The following ANKRD11 variants were observed in gnomAD, a reference collection of about 807,000 sequenced individuals.
ANKRD11 encodes the protein ankyrin repeat domain-containing protein 11.
In ANKRD11, 17 loss-of-function variants were observed where a neutral mutation model predicts 195.7. That is an observed-to-expected ratio of 0.09 (90% CI 0.06 to 0.13). The LOEUF (loss-of-function observed/expected upper bound fraction) is 0.13, where lower values mean the gene tolerates loss of function less well. Among genes scored for constraint, ANKRD11 ranks in the 10% least tolerant of loss-of-function variants. The pLI, the probability that ANKRD11 is intolerant of heterozygous loss-of-function variation, is 1.00. For synonymous variants in ANKRD11, 1,953 were observed against 1,528.1 expected (o/e 1.28, Z -6.49); for missense variants, 3,735 against 3,566.1 (o/e 1.05, Z -1.21).
At chr16:89,394,263 G>C (rs993586115) in intron 2 of ANKRD11, among the ~76,000 whole-genome samples, 1 of 152,214 alleles carries the variant, frequency 6.6e-6, no homozygotes, top group African/African-American at 2.4e-5. Context: ...CCATGTCCCT[G>C]GAAAGCAGCC....
chr16:89,433,686 C>T (rs986349451), intron 1 of ANKRD11, among the ~76,000 whole-genome samples: 2 of 148,732 alleles, frequency 1.3e-5, no homozygotes, highest in African/African-American at 5.0e-5. Context: ...CGGGCTTGGA[C>T]GCAGCAGGGC....
At chr16:89,414,870 C>T (rs1165738131) in intron 2 of ANKRD11, among the ~76,000 whole-genome samples, 1 of 152,218 alleles carries the variant, frequency 6.6e-6, no homozygotes, top group Non-Finnish European at 1.5e-5. Context: ...GCTCACATTC[C>T]ACCCCAAGGA....
chr16:89,340,438 C>T (rs183569764), intron 2 of ANKRD11, among the ~76,000 whole-genome samples: 42 of 152,284 alleles, frequency 2.8e-4, no homozygotes, highest in Non-Finnish European at 5.0e-4. Flanking sequence ...CCATGCCTGG[C>T]TAGTTTTTGT....
chr16:89,364,427 C>G (rs2039862835), intron 2 of ANKRD11, among the ~76,000 whole-genome samples: 2 of 152,338 alleles, frequency 1.3e-5, no homozygotes, highest in Admixed American at 1.3e-4. Context: ...ACGGTAAGAA[C>G]AAGCTGAAAT....
intron 4 of ANKRD11, among the ~76,000 whole-genome samples, chr16:89,302,309 A>G (rs1014703503): frequency 7.9e-5 from 12 of 152,124 alleles, no homozygotes; most frequent in African/African-American, 2.7e-4. Flanking sequence ...CTGGAGTGCA[A>G]TGGCGCAATC....
At chr16:89,299,320 T>G (rs1274149908) in intron 4 of ANKRD11, 1 of 236,996 alleles carries the variant, frequency 4.2e-6, no homozygotes, top group Non-Finnish European at 8.5e-6. Flanking sequence ...GTGCCCTGCG[T>G]GGGATCCCTG....
intron 2 of ANKRD11, among the ~76,000 whole-genome samples, chr16:89,379,523 T>G (rs1260235366): frequency 6.6e-6 from 1 of 152,212 alleles, no homozygotes; most frequent in Non-Finnish European, 1.5e-5. Context: ...AGTCTTGCTC[T>G]GTCGCCCAGA....
At chr16:89,295,931 G>A (rs548390460) in intron 4 of ANKRD11, among the ~76,000 whole-genome samples, 161 of 132,618 alleles carry the variant, frequency 1.2e-3, no homozygotes, top group African/African-American at 3.4e-3. Context: ...GATTGGGGGG[G>A]GCTGTGAACC....
At chr16:89,308,963 C>T (rs1028187315) in intron 3 of ANKRD11, among the ~76,000 whole-genome samples, 2 of 152,218 alleles carry the variant, frequency 1.3e-5, no homozygotes, top group Non-Finnish European at 2.9e-5. Flanking sequence ...AAGGTGGGAA[C>T]ATCTGTACCC....
intron 3 of ANKRD11, chr16:89,313,188 G>A: frequency 1.0e-6 from 1 of 958,658 alleles, no homozygotes; most frequent in Non-Finnish European, 1.4e-6. Context: ...AGCTCAGGGG[G>A]CTGTGAGGCT....
At position 89,286,603 on chromosome 16, in the gene ANKRD11, G is replaced by A. The variant is rs569718711; in HGVS notation, c.745-417C>T. Reference sequence around the variant, plus strand: ...CGTGGAGGGCTCAGGCAAGAGGTTAGGGAGAAGAGTGTTATGGAAAGGGTT... The same window carrying A: ...CGTGGAGGGCTCAGGCAAGAGGTTAAGGAGAAGAGTGTTATGGAAAGGGTT... On this transcript the variant is annotated intron_variant, in intron 7 of 12. Transcript: ENST00000301030. The A allele has an allele frequency of 1.7e-5, 19 of 1,142,298 alleles. No individual in the cohort carries two copies. The South Asian group carries it at 2.9e-4, about 17-fold the overall frequency. 70.8% of individuals were successfully genotyped at this position (1,142,298 alleles called of 1,614,324 possible). A position where few individuals can be genotyped will look rare whatever the true frequency, so the allele number is the denominator to read the frequency against.
rs879541277 is a variant in ANKRD11, at chr16:89,468,706, CA to C, written c.-145+21538del. ...TGGGCAACAGAGTAAGACGCTATCT[CA>C]AAAAAAAAGAAGGACGAAGCAAAAG... On this transcript the variant is annotated intron_variant, in intron 1 of 12. Transcript: ENST00000301030. Among the ~76,000 whole-genome samples the C allele has an allele frequency of 2.7e-5, 4 of 150,578 alleles. No individual in the cohort carries two copies. In the South Asian group the frequency reaches 6.3e-4, roughly 24 times the overall value.
Position 89,463,079 on chromosome 16 carries a change from G to A in ANKRD11, c.-145+27166C>T, listed in dbSNP as rs551357396. 5.0e-3 allele frequency among the ~76,000 whole-genome samples: 739 copies of A among 148,234 alleles called. 28 individuals are homozygous for A. Among genetic ancestry groups the A allele is most frequent in the Admixed American group, 0.044 (654 of 14,920 alleles). On this transcript the variant is annotated intron_variant, in intron 1 of 12. Transcript: ENST00000301030. ...GGTCAGCCCCCCCGCCCGGCCAGCC[G>A]CCCCGCCCGGGAGGTGAGGGGCGCC...
intron 2 of ANKRD11, among the ~76,000 whole-genome samples, chr16:89,345,630 A>G (rs1437004371): frequency 6.6e-6 from 1 of 152,360 alleles, no homozygotes. Context: ...GAAAAAAGTA[A>G]ATGGACTAAG....
At position 89,314,610 on chromosome 16, in the gene ANKRD11, G is replaced by A. The variant is rs145204723; in HGVS notation, c.87+2323C>T. On this transcript the variant is annotated intron_variant, in intron 3 of 12. Coordinates refer to ENST00000301030, the MANE Select transcript of ANKRD11 (RefSeq NM_013275.6). Reference sequence around the variant, plus strand: ...GTCCACTGACACAGGGCTCCACCACGCCCAGCCTGCTGGTGTGTCAAGCGG... The same window carrying A: ...GTCCACTGACACAGGGCTCCACCACACCCAGCCTGCTGGTGTGTCAAGCGG... Among the ~76,000 whole-genome samples, 127 of 152,160 alleles carry A rather than the reference G, an allele frequency of 8.3e-4. 1 individual carries two copies. In the East Asian group the frequency reaches 0.019, roughly 23 times the overall value.
chr16:89,285,409 T>C lies in ANKRD11; in HGVS notation c.1133A>G (p.Asn378Ser), dbSNP rs202203523. ...KKDYRKETKSNSFISIPKMEV... is the reference protein window; with the variant it reads ...KKDYRKETKSSSFISIPKMEV... ...CATTTTGGGTATAGAGATAAAACTA[T>C]TGGATTTCGTTTCTTTTCTGTAGTC... The change falls in exon 9 of 13, where the codon AAT becomes AGT. Residue 378 changes from asparagine to serine, a missense_variant. Asn to Ser is a conservative substitution (Grantham distance 46). Coordinates refer to ENST00000301030, the MANE Select transcript of ANKRD11 (RefSeq NM_013275.6). This position sits in a 1 kb window ranked among gnomAD's most constrained non-coding sequence, Gnocchi z 5.6. 4.0e-4 allele frequency: 639 copies of C among 1,614,182 alleles called. No individual in the cohort carries two copies. The highest frequency in any genetic ancestry group is 4.8e-4 in the Non-Finnish European group (563 of 1,180,030).
intron 1 of ANKRD11, among the ~76,000 whole-genome samples, chr16:89,433,351 C>T (rs920465095): frequency 1.3e-5 from 2 of 152,192 alleles, no homozygotes; most frequent in Admixed American, 6.5e-5. Context: ...AGAAAGTGTC[C>T]GTTGTCTCCT....
chr16:89,269,011 A>G (rs2032890205), intron 12 of ANKRD11, among the ~76,000 whole-genome samples: 1 of 152,224 alleles, frequency 6.6e-6, no homozygotes, highest in African/African-American at 2.4e-5. Context: ...TCATTTTACA[A>G]TTACTTACGG....
At chr16:89,474,285 AAAT>A (rs2057182980) in intron 1 of ANKRD11, among the ~76,000 whole-genome samples, 1 of 152,042 alleles carries the variant, frequency 6.6e-6, no homozygotes, top group Non-Finnish European at 1.5e-5. Context: ...GTGAGATAAT[AAAT>A]GTGTTGTGTG....
Sources: gnomAD v4.1 joint callset for allele counts (sites outside exome capture counted in the v4.1 genomes callset) on GRCh38, gnomAD v4.1.1 for gene constraint, Gnocchi (gnomAD v3.1) non-coding constraint, MANE v1.5 for transcripts, NCBI Gene and HGNC (gene_info 2026-07-23, HGNC 2026-07-21) for gene names.